Variants in SIK3 observed in about 807,000 individuals in gnomAD.
The protein encoded by SIK3 is serine/threonine-protein kinase SIK3.
SIK3 carries 28 observed loss-of-function variants against 144.2 expected under a neutral mutation model. The observed-to-expected ratio is 0.19, with a 90% confidence interval of 0.14 to 0.27. The LOEUF (loss-of-function observed/expected upper bound fraction) is 0.27, where lower values mean the gene tolerates loss of function less well. Ranked by LOEUF, SIK3 falls within the 10% of genes least tolerant of loss-of-function variation. The probability of loss-of-function intolerance (pLI) is 1.00; values close to 1 mark genes in which losing one functional copy is unlikely to be tolerated. For synonymous variants in SIK3, 686 were observed against 676.3 expected, an observed-to-expected ratio of 1.01 and a Z score of -0.22; for missense variants, 1,319 against 1,776.0, an observed-to-expected ratio of 0.74 and a Z score of 4.62.
At position 116,855,925 on chromosome 11, in the gene SIK3, C is replaced by T. The variant is rs186521335; in HGVS notation, c.3655+1885G>A. Among the ~76,000 whole-genome samples, 517 of 152,242 alleles carry T rather than the reference C, an allele frequency of 3.4e-3. 5 individuals carry two copies. The highest frequency in any genetic ancestry group is 3.0e-3 in the Non-Finnish European group (202 of 68,008). On this transcript the variant is annotated intron_variant, in intron 21 of 24. Transcript: ENST00000445177. ...TGGCACATGTGAGCTCAGCCGGGCG[C>T]GGTGGCTCATGCCTGTAATCCCAGC...
At chr11:117,021,411 T>C (rs944640083) in intron 1 of SIK3, among the ~76,000 whole-genome samples, 2 of 152,136 alleles carry the variant, frequency 1.3e-5, no homozygotes, top group Admixed American at 6.6e-5. Context: ...CCCCACTCTT[T>C]CCACAGAATT....
rs529205570 is a variant in SIK3, at chr11:117,050,769, A to C, written c.273+47374T>G. On this transcript the variant is annotated intron_variant, in intron 1 of 24. Coordinates refer to ENST00000445177, the MANE Select transcript of SIK3 (RefSeq NM_001366686.3). ...TAATGGATCTTAAAGGAGAGGCAAAATTTCAAAAGGTAAAATGTTCTGGGT... is the reference window on the plus strand; with the variant it reads ...TAATGGATCTTAAAGGAGAGGCAAACTTTCAAAAGGTAAAATGTTCTGGGT... Among the ~76,000 whole-genome samples the C allele has an allele frequency of 8.0e-4, 122 of 152,298 alleles. 1 individual carries two copies. Among genetic ancestry groups the C allele is most frequent in the African/African-American group, 2.9e-3 (120 of 41,572 alleles).
intron 14 of SIK3, 118 bp downstream of exon 14, chr11:116,870,213 G>C: frequency 6.4e-7 from 1 of 1,555,658 alleles, no homozygotes; most frequent in African/African-American, 1.3e-5. Context: ...CTTGAGCAAA[G>C]AGACCACACA....
chr11:116,900,644 C>T (rs567134839), intron 4 of SIK3, among the ~76,000 whole-genome samples: 1 of 152,254 alleles, frequency 6.6e-6, no homozygotes, highest in East Asian at 1.9e-4. Flanking sequence ...CTTCCACATG[C>T]TATTTCCTCT....
chr11:117,028,655 AAAGCATAAAGGCCTGAAAAACAATTCT>A (rs1156479745), intron 1 of SIK3, among the ~76,000 whole-genome samples: 1 of 152,186 alleles, frequency 6.6e-6, no homozygotes, highest in Non-Finnish European at 1.5e-5. Context: ...AACATGAGCA[AAAGCATAAAGGCCTGAAAAACAATTCT>A]AATATGTTGA....
At chr11:117,059,202 A>G (rs560111742) in intron 1 of SIK3, among the ~76,000 whole-genome samples, 2 of 152,358 alleles carry the variant, frequency 1.3e-5, no homozygotes, top group African/African-American at 4.8e-5. Flanking sequence ...GATAGCTGGG[A>G]GAAGAAAGAC....
At chr11:116,851,218 A>AAC (rs1942409225) in intron 21 of SIK3, among the ~76,000 whole-genome samples, 2 of 152,146 alleles carry the variant, frequency 1.3e-5, no homozygotes, top group Admixed American at 1.3e-4. Flanking sequence ...TGGGACTTGA[A>AAC]AATAAGTTGT....
chr11:116,875,818 C>G (rs1346774788), intron 9 of SIK3, 48 bp downstream of exon 9: 3 of 1,556,534 alleles, frequency 1.9e-6, no homozygotes, highest in Non-Finnish European at 8.6e-7. Flanking sequence ...AACCTTTACC[C>G]CCCTGGTGTT....
intron 1 of SIK3, among the ~76,000 whole-genome samples, chr11:117,023,162 G>T (rs1171731871): frequency 6.6e-6 from 1 of 152,104 alleles, no homozygotes; most frequent in African/African-American, 2.4e-5. Context: ...ATTAGCAGTT[G>T]TTGAGGCCCA....
chr11:117,097,115 A>C lies in SIK3; in HGVS notation c.273+1028T>G, dbSNP rs11216274. On this transcript the variant is annotated intron_variant, in intron 1 of 24. Coordinates refer to ENST00000445177, the MANE Select transcript of SIK3 (RefSeq NM_001366686.3). ...TGATGTCTTAGATTCCAGTCCTCCC[A>C]ACGAAGGCTACATGAAAGTGCTACC... 5.2e-4 allele frequency among the ~76,000 whole-genome samples: 79 copies of C among 152,336 alleles called. No homozygotes were observed. In the East Asian group the frequency reaches 0.014, roughly 28 times the overall value.
chr11:117,045,516 G>A (rs1411438037), intron 1 of SIK3, among the ~76,000 whole-genome samples: 2 of 152,132 alleles, frequency 1.3e-5, no homozygotes. Context: ...TAATCCATAA[G>A]CCATTTTAAT....
chr11:116,861,172 G>A, intron 19 of SIK3, 102 bp downstream of exon 19: 2 of 933,574 alleles, frequency 2.1e-6, no homozygotes, highest in Non-Finnish European at 3.3e-6. Context: ...TGAATACTAT[G>A]TTATTCTGCC....
rs77920516 is a variant in SIK3, at chr11:116,936,711, T to C, written c.455-9331A>G. Among the ~76,000 whole-genome samples the C allele has an allele frequency of 8.7e-3, 1,333 of 152,352 alleles. 40 individuals are homozygous for C. Among genetic ancestry groups the C allele is most frequent in the East Asian group, 0.086 (449 of 5,192 alleles). On this transcript the variant is annotated intron_variant, in intron 3 of 24. Coordinates refer to ENST00000445177, the MANE Select transcript of SIK3 (RefSeq NM_001366686.3). ...CCTTTCTGCCCATCATCCTTTACATTGTTACCAGTTATTCTAACACATTTC... is the reference window on the plus strand; with the variant it reads ...CCTTTCTGCCCATCATCCTTTACATCGTTACCAGTTATTCTAACACATTTC...
At chr11:117,070,713 T>G (rs1954229694) in intron 1 of SIK3, among the ~76,000 whole-genome samples, 2 of 151,708 alleles carry the variant, frequency 1.3e-5, no homozygotes, top group Admixed American at 1.3e-4. Context: ...TCCAAAGTGC[T>G]GGGGTTACAG....
chr11:117,047,459 T>G lies in SIK3; in HGVS notation c.273+50684A>C, dbSNP rs554430436. Among the ~76,000 whole-genome samples, 6 of 152,248 alleles carry G rather than the reference T, an allele frequency of 3.9e-5. No individual in the cohort carries two copies. In the South Asian group the frequency reaches 1.2e-3, roughly 32 times the overall value. ...GAGGGTAGGGAAGGTGGACTAGCATTATATCAGTGTTGCCTTCAAACAAGT... is the reference window on the plus strand; with the variant it reads ...GAGGGTAGGGAAGGTGGACTAGCATGATATCAGTGTTGCCTTCAAACAAGT... On this transcript the variant is annotated intron_variant, in intron 1 of 24. Transcript: ENST00000445177.
intron 3 of SIK3, chr11:116,950,132 C>T: frequency 2.1e-6 from 1 of 471,006 alleles, no homozygotes; most frequent in South Asian, 1.5e-5. Context: ...TCTCGGCATA[C>T]CTGATCAAGT....
chr11:116,889,454 C>G (rs1052554145), intron 6 of SIK3, among the ~76,000 whole-genome samples: 1 of 152,054 alleles, frequency 6.6e-6, no homozygotes, highest in Non-Finnish European at 1.5e-5. Flanking sequence ...ATAGTCCTAG[C>G]TACTTTGGAG....
chr11:116,847,650 CCA>C (rs1565351340), intron 22 of SIK3, 42 bp from the exon 23 acceptor site: 5 of 1,612,006 alleles, frequency 3.1e-6, no homozygotes, highest in Admixed American at 3.3e-5. Flanking sequence ...ACACAAGACA[CCA>C]CTCTCAGGCA....
intron 1 of SIK3, among the ~76,000 whole-genome samples, chr11:117,023,358 A>G (rs1951850712): frequency 6.6e-6 from 1 of 151,616 alleles, no homozygotes; most frequent in African/African-American, 2.4e-5. Flanking sequence ...CCGAGTTTTC[A>G]TTAACTGAAC....
Sources: allele counts gnomAD v4.1 joint callset (sites outside exome capture counted in the v4.1 genomes callset), GRCh38; gene constraint gnomAD v4.1.1; transcripts MANE v1.5; gene names NCBI Gene and HGNC (gene_info 2026-07-23, HGNC 2026-07-21).